Variants in PHACTR3 observed in about 807,000 individuals in gnomAD.
PHACTR3 encodes phosphatase and actin regulator 3, also known as protein phosphatase 1, regulatory subunit 123.
PHACTR3 carries 16 observed loss-of-function variants against 66.8 expected under a neutral mutation model. The ratio of observed to expected loss-of-function variants is 0.24; its 90% CI spans 0.16 to 0.36. PHACTR3 has a LOEUF of 0.36. Ranked by LOEUF, PHACTR3 falls within the 10% of genes least tolerant of loss-of-function variation. The pLI is 1.00. For missense variants in PHACTR3, 647 were observed against 719.9 expected (o/e 0.90, Z 1.16); for synonymous variants, 323 against 292.1 (o/e 1.11, Z -1.08).
chr20:59,668,301 T>G (rs557536444), intron 1 of PHACTR3, among the ~76,000 whole-genome samples: 2 of 152,018 alleles, frequency 1.3e-5, no homozygotes, highest in Admixed American at 1.3e-4. Flanking sequence ...GGGTTAGAGG[T>G]GGACATATAC....
intron 1 of PHACTR3, among the ~76,000 whole-genome samples, chr20:59,672,956 G>A (rs1486235636): frequency 1.3e-5 from 2 of 152,206 alleles, no homozygotes; most frequent in African/African-American, 4.8e-5. Flanking sequence ...GGTGAAGAGG[G>A]AAGGAATTGG....
chr20:59,674,817 C>CCCCCTTCTGTT (rs2036378440), intron 1 of PHACTR3, among the ~76,000 whole-genome samples: 2 of 33,164 alleles, frequency 6.0e-5, no homozygotes, highest in Admixed American at 3.6e-4. Flanking sequence ...CTTCTCCTGT[C>CCCCCTTCTGTT]CCCCACTTCT....
At chr20:59,663,382 G>A (rs1601036110) in intron 1 of PHACTR3, among the ~76,000 whole-genome samples, 1 of 152,180 alleles carries the variant, frequency 6.6e-6, no homozygotes, top group South Asian at 2.1e-4. Flanking sequence ...AGGACAGACC[G>A]ACGCCAGCAG....
rs562544928 is a variant in PHACTR3 at position 59,704,120 on chromosome 20, A to G, written c.119-38987A>G. Among the ~76,000 whole-genome samples the G allele has an allele frequency of 3.9e-5, 6 of 152,220 alleles. No homozygotes were observed. The South Asian group carries it at 1.2e-3, about 32-fold the overall frequency. On this transcript the variant is annotated intron_variant, in intron 1 of 12. Transcript: ENST00000371015. ...GACTTTCATACATTTTTGCTAAGTA[A>G]CCCTCCAGAGAGAAGGGAACAAGTG...
intron 1 of PHACTR3, among the ~76,000 whole-genome samples, chr20:59,625,370 G>C (rs2034408574): frequency 6.6e-6 from 1 of 151,996 alleles, no homozygotes; most frequent in Non-Finnish European, 1.5e-5. Context: ...CAGCTGCCCA[G>C]TACGGCTGCC....
At chr20:59,683,227 A>G (rs2036730056) in intron 1 of PHACTR3, among the ~76,000 whole-genome samples, 1 of 152,192 alleles carries the variant, frequency 6.6e-6, no homozygotes, top group African/African-American at 2.4e-5. Context: ...GCCGTGGTGG[A>G]GCAGGTTTCA....
chr20:59,835,560 C>A (rs2042502928), intron 8 of PHACTR3, among the ~76,000 whole-genome samples: 1 of 152,154 alleles, frequency 6.6e-6, no homozygotes, highest in South Asian at 2.1e-4. Context: ...TGTCTCCCTG[C>A]TGTGGTTAGA....
At chr20:59,607,878 T>C (rs1359745279) in intron 1 of PHACTR3, among the ~76,000 whole-genome samples, 4 of 152,174 alleles carry the variant, frequency 2.6e-5, no homozygotes, top group African/African-American at 4.8e-5. Context: ...GTTTCCAGTT[T>C]TTACCCACTA....
chr20:59,666,542 G>C (rs199880996), intron 1 of PHACTR3, among the ~76,000 whole-genome samples: 1 of 92,920 alleles, frequency 1.1e-5, no homozygotes, highest in Non-Finnish European at 2.0e-5. Flanking sequence ...GACAGAGGTA[G>C]AGAGAGAGAG....
intron 1 of PHACTR3, among the ~76,000 whole-genome samples, chr20:59,618,509 C>A (rs1005792893): frequency 6.6e-6 from 1 of 152,164 alleles, no homozygotes; most frequent in African/African-American, 2.4e-5. Context: ...GTTTGCAGAG[C>A]TCATTCAGAA....
chr20:59,759,697 C>G (rs901277031), intron 4 of PHACTR3, among the ~76,000 whole-genome samples: 12 of 152,204 alleles, frequency 7.9e-5, no homozygotes, highest in Admixed American at 3.3e-4. Flanking sequence ...CTGTTAGATG[C>G]TGTGTGTCTG....
intron 2 of PHACTR3, among the ~76,000 whole-genome samples, chr20:59,746,860 C>T (rs879315789): frequency 2.0e-5 from 3 of 152,196 alleles, no homozygotes; most frequent in Admixed American, 2.0e-4. Flanking sequence ...GGTGAGGAGG[C>T]TGCATTGAGC....
rs563100121 is a variant in PHACTR3, at chr20:59,829,114, G to A, written c.1329-7391G>A. On this transcript the variant is annotated intron_variant, in intron 8 of 12. Transcript: ENST00000371015. This position sits in a 1 kb window ranked among gnomAD's most constrained non-coding sequence, Gnocchi z 4.2. ...GCCCAGGATGCTGGGCACGGAGCAG[G>A]TGTGAGGAGGTGGGGAACAGGGTGT... Among the ~76,000 whole-genome samples the A allele has an allele frequency of 4.0e-4, 61 of 152,214 alleles. No homozygotes were observed. Among genetic ancestry groups the A allele is most frequent in the African/African-American group, 1.4e-3 (59 of 41,530 alleles).
intron 1 of PHACTR3, among the ~76,000 whole-genome samples, chr20:59,668,588 T>C (rs1463595637): frequency 6.6e-6 from 1 of 152,240 alleles, no homozygotes; most frequent in East Asian, 1.9e-4. Flanking sequence ...ATGGGACCCT[T>C]TGTCCATATT....
At chr20:59,688,298 G>C (rs572231121) in intron 1 of PHACTR3, among the ~76,000 whole-genome samples, 4 of 152,302 alleles carry the variant, frequency 2.6e-5, no homozygotes, top group African/African-American at 4.8e-5. Context: ...CTAGTGGAAG[G>C]CAGGATAGAG....
intron 1 of PHACTR3, among the ~76,000 whole-genome samples, chr20:59,708,906 C>T (rs2037814368): frequency 6.6e-6 from 1 of 152,208 alleles, no homozygotes; most frequent in Non-Finnish European, 1.5e-5. Context: ...GTGACATTCC[C>T]TTCTCTGGGG....
At chr20:59,595,781 C>T (rs1019117078) in intron 1 of PHACTR3, among the ~76,000 whole-genome samples, 8 of 152,236 alleles carry the variant, frequency 5.3e-5, no homozygotes, top group Middle Eastern at 3.4e-3. Context: ...TAGGTGTGTA[C>T]GCGTTAAGGA....
Position 59,768,765 on chromosome 20 carries a change from G to A in PHACTR3, c.751+1370G>A, listed in dbSNP as rs1045401507. 2.0e-5 allele frequency among the ~76,000 whole-genome samples: 3 copies of A among 152,230 alleles called. No individual in the cohort carries two copies. In the South Asian group the frequency reaches 6.2e-4, roughly 31 times the overall value. The stretch of plus-strand genomic sequence containing the variant: ...TCAATCTGGAGGGGACTCTTGGGTG[G>A]AAAATGCTTTCAGTGGGGCATTTTC... On this transcript the variant is annotated intron_variant, in intron 5 of 12. Transcript: ENST00000371015.
chr20:59,822,002 TC>T (rs1225869104), intron 8 of PHACTR3, among the ~76,000 whole-genome samples: 2 of 62,276 alleles, frequency 3.2e-5, no homozygotes, highest in Non-Finnish European at 3.3e-5. Flanking sequence ...TCCCCAGCAA[TC>T]CCACCCCTTC....
Sources: allele counts gnomAD v4.1 joint callset (sites outside exome capture counted in the v4.1 genomes callset), GRCh38; gene constraint gnomAD v4.1.1; non-coding constraint Gnocchi (gnomAD v3.1); transcripts MANE v1.5; gene names NCBI Gene and HGNC (gene_info 2026-07-23, HGNC 2026-07-21).